The following FAM135B variants were observed in gnomAD, a reference collection of about 807,000 sequenced individuals.
FAM135B encodes the protein family with sequence similarity 135 member B.
FAM135B carries 43 observed loss-of-function variants against 127.7 expected under a neutral mutation model. That is an observed-to-expected ratio of 0.34 (90% CI 0.26 to 0.43). FAM135B has a LOEUF of 0.43. Ranked by LOEUF, FAM135B falls within the 20% of genes least tolerant of loss-of-function variation. FAM135B has a pLI of 1.00. For missense variants in FAM135B, 1,558 were observed against 1,725.6 expected, an observed-to-expected ratio of 0.90 and a Z score of 1.72; for synonymous variants, 670 against 665.1, an observed-to-expected ratio of 1.01 and a Z score of -0.11.
At chr8:138,192,991 G>T (rs944974491) in intron 9 of FAM135B, among the ~76,000 whole-genome samples, 3 of 152,192 alleles carry the variant, frequency 2.0e-5, no homozygotes, top group Admixed American at 1.3e-4. Context: ...AGTAGGTAGA[G>T]AATTCAAAGC....
At position 138,151,903 on chromosome 8, in the gene FAM135B, G is replaced by T. The variant is rs367688143; in HGVS notation, c.2572C>A (p.Gln858Lys). 25 of 1,613,892 alleles carry T rather than the reference G, an allele frequency of 1.5e-5. No individual in the cohort carries two copies. The highest frequency in any genetic ancestry group is 5.0e-5 in the Admixed American group (3 of 60,000). ...CTGCCATCAGGAAGACAGTGTCCTT[G>T]AGCATCAAACTGCTTCCCTTTCCCT... ...PKGKGKQFDA[Q>K]GHCLPDGRTE... is the part of the protein sequence containing the mutation. Residue 858 changes from glutamine (Q) to lysine (K), a missense_variant, in exon 13 of 20, where the codon CAA (glutamine) becomes AAA (lysine). Coordinates refer to ENST00000395297, the MANE Select transcript of FAM135B (RefSeq NM_015912.4).
Position 138,145,298 on chromosome 8 carries a change from G to A in FAM135B, c.3540+661C>T, listed in dbSNP as rs533941409. Among the ~76,000 whole-genome samples the A allele has an allele frequency of 4.1e-4, 62 of 152,152 alleles. 1 individual carries two copies. Among genetic ancestry groups the A allele is most frequent in the African/African-American group, 1.0e-3 (43 of 41,502 alleles). On this transcript the variant is annotated intron_variant, in intron 15 of 19. Coordinates refer to ENST00000395297, the MANE Select transcript of FAM135B (RefSeq NM_015912.4). ...CCCAAAATGCTGGGATTATAGGTGC[G>A]AGCCACCGCGCCCAGCCATCCTCTC...
chr8:138,195,268 G>A lies in FAM135B; in HGVS notation c.863C>T (p.Ser288Leu), dbSNP rs2131112237. Residue 288 changes from serine (S) to leucine (L), a missense_variant, in exon 9 of 20, where the codon TCA (serine) becomes TTA (leucine). Physicochemically the swap from Ser to Leu is moderately radical, Grantham distance 145 (BLOSUM62 -2). Transcript: ENST00000395297. ...CAGTTCTCCAATTACCTGTAGCTCT[G>A]AGCACAGCTGAGAAAGTGTTTCTTC... ...AVEETLSQLC[S>L]ELQMLNNPEK... 6.2e-7 allele frequency: 1 copy of A among 1,613,828 alleles called. No homozygotes were observed. Among genetic ancestry groups the A allele is most frequent in the Non-Finnish European group, 8.5e-7 (1 of 1,179,930 alleles).
At chr8:138,146,413 C>A (rs942742752) in intron 14 of FAM135B, among the ~76,000 whole-genome samples, 9 of 152,236 alleles carry the variant, frequency 5.9e-5, no homozygotes, top group African/African-American at 2.2e-4. Flanking sequence ...TGATGGGGCA[C>A]AATGCGACTC....
chr8:138,328,545 G>A (rs954510054), intron 2 of FAM135B, among the ~76,000 whole-genome samples: 2 of 152,112 alleles, frequency 1.3e-5, no homozygotes, highest in Non-Finnish European at 2.9e-5. Context: ...AGGAACCCTG[G>A]GGAGTTGACC....
chr8:138,268,542 C>T (rs750813231), intron 3 of FAM135B, among the ~76,000 whole-genome samples: 5 of 152,256 alleles, frequency 3.3e-5, no homozygotes, highest in South Asian at 2.1e-4. Context: ...GCTCACCAAT[C>T]GCAAGACACT....
In FAM135B at chr8:138,132,563, C is replaced by T; in HGVS notation, c.*30G>A. The T allele has an allele frequency of 6.4e-7, 1 of 1,574,408 alleles. No homozygotes were observed. Among genetic ancestry groups the T allele is most frequent in the Non-Finnish European group, 8.7e-7 (1 of 1,144,326 alleles). ...GCTAAAGCTCTCCACCGATCGTAAG[C>T]ATTACCAAAGACCTGCTCCCTCAAA... On this transcript the variant is annotated 3_prime_UTR_variant, in exon 20 of 20. Transcript: ENST00000395297. The surrounding 1 kb of genome is among the most constrained non-coding windows in gnomAD (Gnocchi z 4.5).
In FAM135B at chr8:138,147,399, T is replaced by C. The variant is rs1817742641; in HGVS notation, c.3448+1121A>G. Among the ~76,000 whole-genome samples, 4 of 152,192 alleles carry C rather than the reference T, an allele frequency of 2.6e-5. No homozygotes were observed. The South Asian group carries it at 8.3e-4, about 31-fold the overall frequency. The stretch of plus-strand genomic sequence containing the variant: ...GAACTTTCTGCAACTTAAAATTTTC[T>C]CAGAAAATATGATTTAATAAGGTGT... On this transcript the variant is annotated intron_variant, in intron 14 of 19. Transcript: ENST00000395297.
chr8:138,197,524 G>T lies in FAM135B; in HGVS notation c.815C>A (p.Thr272Lys). The change falls in exon 8 of 20, where the codon ACG becomes AAG. Residue 272 changes from threonine to lysine, a missense_variant. By Grantham distance (78) the Thr-to-Lys change is moderately conservative (BLOSUM62 -1). Coordinates refer to ENST00000395297, the MANE Select transcript of FAM135B (RefSeq NM_015912.4). ...CTGTCCTGGGCCCTTACCCAGCTCC[G>T]TGTGTGGCAGCTCTGGGATGTCCCG... Reference protein sequence around the residue: ...IMRDIPELPHTELEALAVEET... With the variant: ...IMRDIPELPHKELEALAVEET... The T allele has an allele frequency of 6.2e-7, 1 of 1,613,998 alleles. No individual in the cohort carries two copies. The highest frequency in any genetic ancestry group is 8.5e-7 in the Non-Finnish European group (1 of 1,179,900).
chr8:138,395,036 C>T (rs1832778351), intron 1 of FAM135B, among the ~76,000 whole-genome samples: 1 of 152,200 alleles, frequency 6.6e-6, no homozygotes, highest in African/African-American at 2.4e-5. Context: ...TCCTTTTCCA[C>T]TGCACTCTGT....
intron 1 of FAM135B, among the ~76,000 whole-genome samples, chr8:138,411,917 C>G (rs186814472): frequency 1.7e-4 from 26 of 152,308 alleles, no homozygotes; most frequent in African/African-American, 5.8e-4. Flanking sequence ...TTTGCAGCCA[C>G]ATGGATGCAG....
At chr8:138,244,398 G>A (rs1462629254) in intron 6 of FAM135B, among the ~76,000 whole-genome samples, 1 of 148,302 alleles carries the variant, frequency 6.7e-6, no homozygotes, top group East Asian at 2.0e-4. Context: ...TAAAGGCTGT[G>A]TGACCTGAGG....
intron 1 of FAM135B, among the ~76,000 whole-genome samples, chr8:138,477,982 C>T (rs1000370796): frequency 1.3e-5 from 2 of 152,114 alleles, no homozygotes; most frequent in Non-Finnish European, 2.9e-5. Context: ...GGGTTCTTGA[C>T]GACTTCCCAC....
chr8:138,369,142 C>T (rs559477909), intron 1 of FAM135B, among the ~76,000 whole-genome samples: 20 of 152,084 alleles, frequency 1.3e-4, no homozygotes, highest in South Asian at 8.3e-4. Context: ...AGTAGACTCC[C>T]GATAGGATAA....
chr8:138,337,396 C>T (rs943572053), intron 2 of FAM135B, among the ~76,000 whole-genome samples: 3 of 152,108 alleles, frequency 2.0e-5, no homozygotes, highest in Non-Finnish European at 4.4e-5. Context: ...AGCTGATAGT[C>T]AACTTCAGCA....
intron 18 of FAM135B, among the ~76,000 whole-genome samples, chr8:138,138,038 G>A (rs932276865): frequency 3.9e-5 from 6 of 152,164 alleles, no homozygotes; most frequent in African/African-American, 7.2e-5. Context: ...TCAACAGCTG[G>A]CCAATACATG....
At chr8:138,427,764 A>C (rs1270377951) in intron 1 of FAM135B, among the ~76,000 whole-genome samples, 2 of 152,216 alleles carry the variant, frequency 1.3e-5, no homozygotes, top group Non-Finnish European at 2.9e-5. Context: ...ATTGCTGTTG[A>C]AATCGATGTA....
chr8:138,456,053 CA>C (rs1257305176), intron 1 of FAM135B, among the ~76,000 whole-genome samples: 4 of 152,186 alleles, frequency 2.6e-5, no homozygotes, highest in Non-Finnish European at 5.9e-5. Context: ...AATGTAATGT[CA>C]GCACATAGTA....
intron 1 of FAM135B, among the ~76,000 whole-genome samples, chr8:138,391,161 C>T (rs1206711300): frequency 1.3e-5 from 2 of 150,174 alleles, no homozygotes; most frequent in East Asian, 2.0e-4. Context: ...AATCCCTGTC[C>T]TCCCATTAAG....
Sources: gnomAD v4.1 joint callset for allele counts (sites outside exome capture counted in the v4.1 genomes callset) on GRCh38, gnomAD v4.1.1 for gene constraint, Gnocchi (gnomAD v3.1) non-coding constraint, MANE v1.5 for transcripts, NCBI Gene and HGNC (gene_info 2026-07-23, HGNC 2026-07-21) for gene names.